The following PHF14 variants were observed in gnomAD, a reference collection of about 807,000 sequenced individuals.
PHF14 encodes PHD finger protein 14.
PHF14 carries 55 observed loss-of-function variants against 117.9 expected under a neutral mutation model. That is an observed-to-expected ratio of 0.47 (90% CI 0.38 to 0.58). The LOEUF (loss-of-function observed/expected upper bound fraction) is 0.58. Among genes scored for constraint, PHF14 ranks in the 20% least tolerant of loss-of-function variants. The pLI is 0.00. For synonymous variants in PHF14, 409 were observed against 368.6 expected (o/e 1.11, Z -1.26); for missense variants, 978 against 1,122.2 (o/e 0.87, Z 1.84).
chr7:11,062,502 A>G (rs1785261910), intron 16 of PHF14: 1 of 165,952 alleles, frequency 6.0e-6, no homozygotes. Context: ...CAGACTTTTT[A>G]TTGACAAGAA....
chr7:11,000,133 A>G (rs1176343934), intron 4 of PHF14, among the ~76,000 whole-genome samples: 1 of 152,136 alleles, frequency 6.6e-6, no homozygotes, highest in Non-Finnish European at 1.5e-5. Context: ...TATATGTTCC[A>G]AGTAAAGATG....
chr7:11,023,000 G>T, intron 6 of PHF14, 21 bp downstream of exon 6: 2 of 1,374,350 alleles, frequency 1.5e-6, no homozygotes, highest in South Asian at 1.2e-5. Flanking sequence ...AAGCATTTTT[G>T]ATTGCTTGAA....
At chr7:11,047,819 A>C (rs1391410586) in intron 13 of PHF14, among the ~76,000 whole-genome samples, 1 of 108,940 alleles carries the variant, frequency 9.2e-6, no homozygotes, top group Non-Finnish European at 1.8e-5. Flanking sequence ...GGAGGGCAGG[A>C]GGGAGGGAAA....
chr7:11,030,139 G>A (rs1784072491), intron 7 of PHF14, among the ~76,000 whole-genome samples: 1 of 150,678 alleles, frequency 6.6e-6, no homozygotes, highest in South Asian at 2.1e-4. Context: ...TAGATGAACA[G>A]TGAGCATCTT....
chr7:11,160,579 A>G (rs1788994154), intron 17 of PHF14, among the ~76,000 whole-genome samples: 1 of 152,134 alleles, frequency 6.6e-6, no homozygotes, highest in Non-Finnish European at 1.5e-5. Flanking sequence ...ACTTTTTAAT[A>G]ATAGCCATTC....
chr7:10,974,930 G>T lies in PHF14; in HGVS notation c.97G>T (p.Val33Phe). 1 of 1,526,054 alleles carries T rather than the reference G, an allele frequency of 6.6e-7. No homozygotes were observed. Among genetic ancestry groups the T allele is most frequent in the East Asian group, 2.3e-5 (1 of 43,812 alleles). 94.5% of individuals were successfully genotyped at this position (1,526,054 alleles called of 1,614,324 possible). Reference protein sequence around the residue: ...YDSSDDSDFKVGDASDSEGSG... With the variant: ...YDSSDDSDFKFGDASDSEGSG... ...TAGTTCAGATGACAGTGATTTTAAA[G>T]TTGGAGATGCCTCAGGTAAATATTT... The change falls in exon 2 of 18, where the codon GTT becomes TTT. Residue 33 changes from valine (V) to phenylalanine (F), a missense_variant. By Grantham distance (50) the Val-to-Phe change is conservative. Transcript: ENST00000634607.
chr7:10,987,073 T>C (rs1782248969), intron 3 of PHF14, among the ~76,000 whole-genome samples: 2 of 152,316 alleles, frequency 1.3e-5, no homozygotes, highest in South Asian at 2.1e-4. Flanking sequence ...AAAATGTAAA[T>C]GTTTTGCCAA....
intron 17 of PHF14, among the ~76,000 whole-genome samples, chr7:11,131,288 A>G (rs1277058922): frequency 2.0e-5 from 3 of 151,830 alleles, no homozygotes; most frequent in Non-Finnish European, 2.9e-5. Context: ...TCATCCCACA[A>G]CAAATGAGAG....
intron 16 of PHF14, among the ~76,000 whole-genome samples, chr7:11,075,042 A>G (rs575330296): frequency 2.0e-5 from 3 of 150,614 alleles, no homozygotes; most frequent in African/African-American, 7.3e-5. Context: ...GGTTCAAGCA[A>G]TTTTCCTGCC....
In PHF14 at chr7:11,156,583, C is replaced by T. The variant is rs1241496330; in HGVS notation, c.2773-12833C>T. 2.6e-5 allele frequency among the ~76,000 whole-genome samples: 4 copies of T among 152,222 alleles called. No homozygotes were observed. In the East Asian group the frequency reaches 7.7e-4, roughly 29 times the overall value. ...GCCGAGGCGGCGGATCACCTAAGGT[C>T]GGGAGTTCGAGACCAGCCTGACCAA... On this transcript the variant is annotated intron_variant, in intron 17 of 17. Transcript: ENST00000634607.
intron 16 of PHF14, among the ~76,000 whole-genome samples, chr7:11,087,011 A>G (rs1256250147): frequency 1.3e-5 from 2 of 152,174 alleles, no homozygotes; most frequent in East Asian, 3.9e-4. Context: ...CAAGTCAGTT[A>G]AATTAGATCT....
chr7:11,008,723 A>T (rs1048882895), intron 4 of PHF14, among the ~76,000 whole-genome samples: 1 of 152,086 alleles, frequency 6.6e-6, no homozygotes, highest in African/African-American at 2.4e-5. Context: ...TCTTTCTCGT[A>T]AACAATATTA....
At chr7:11,008,727 A>C (rs1783222010) in intron 4 of PHF14, among the ~76,000 whole-genome samples, 1 of 152,086 alleles carries the variant, frequency 6.6e-6, no homozygotes, top group South Asian at 2.1e-4. Context: ...TCTCGTAAAC[A>C]ATATTACTCA....
At chr7:11,034,551 T>TTG (rs1784245403) in intron 7 of PHF14, among the ~76,000 whole-genome samples, 1 of 133,088 alleles carries the variant, frequency 7.5e-6, no homozygotes, top group African/African-American at 2.8e-5. Context: ...TTTTTTTTTT[T>TTG]TTTTTTTTTT....
At chr7:10,974,596 C>G (rs1271145417) in intron 1 of PHF14, among the ~76,000 whole-genome samples, 1 of 152,180 alleles carries the variant, frequency 6.6e-6, no homozygotes, top group African/African-American at 2.4e-5. Flanking sequence ...TCGATTTTAG[C>G]TGGTCTGAGT....
At chr7:11,135,579 T>G (rs1788195959) in intron 17 of PHF14, among the ~76,000 whole-genome samples, 1 of 152,284 alleles carries the variant, frequency 6.6e-6, no homozygotes, top group Non-Finnish European at 1.5e-5. Flanking sequence ...TTTTTGTGTA[T>G]TTTTTTACAG....
intron 7 of PHF14, among the ~76,000 whole-genome samples, chr7:11,034,662 C>T (rs1443903736): frequency 1.4e-5 from 2 of 147,408 alleles, no homozygotes; most frequent in African/African-American, 2.5e-5. Flanking sequence ...AATTCTCCTA[C>T]CTCAGCCTCC....
In PHF14 at chr7:11,061,859, A is replaced by G; in HGVS notation, c.2532+18A>G. On this transcript the variant is annotated intron_variant, in intron 15 of 17. Coordinates refer to ENST00000634607, the MANE Select transcript of PHF14 (RefSeq NM_001007157.2). ...AACATGAGGTTGGAATAAGTTAAGC[A>G]CTTTTACACAGTCTTAACTTTGAGA... The G allele has an allele frequency of 6.6e-7, 1 of 1,524,338 alleles. No homozygotes were observed. The highest frequency in any genetic ancestry group is 8.8e-7 in the Non-Finnish European group (1 of 1,136,382). The allele number at this position is 1,524,338 out of a possible 1,614,324, so 94.4% of individuals were successfully genotyped here.
At chr7:11,036,771 A>G in intron 9 of PHF14, 83 bp downstream of exon 9, 1 of 1,272,156 alleles carries the variant, frequency 7.9e-7, no homozygotes. Context: ...TAATTTTTAG[A>G]AATTTATTAG....
Sources: allele counts gnomAD v4.1 joint callset (sites outside exome capture counted in the v4.1 genomes callset), GRCh38; gene constraint gnomAD v4.1.1; transcripts MANE v1.5; gene names NCBI Gene and HGNC (gene_info 2026-07-23, HGNC 2026-07-21).